Variants in PLEC observed in about 807,000 individuals in gnomAD.
PLEC encodes the protein plectin, also known as hemidesmosomal protein 1.
In PLEC, 216 loss-of-function variants were observed where a neutral mutation model predicts 392.8. The observed-to-expected ratio is 0.55, with a 90% CI of 0.49 to 0.62. The LOEUF (loss-of-function observed/expected upper bound fraction) is 0.62, where lower values mean the gene tolerates loss of function less well. Ranked by LOEUF, PLEC falls within the 20% of genes least tolerant of loss-of-function variation. The probability of loss-of-function intolerance (pLI) is 0.00; values close to 1 mark genes in which losing one functional copy is unlikely to be tolerated. For missense variants in PLEC, 6,863 were observed against 6,563.4 expected, an observed-to-expected ratio of 1.05 and a Z score of -1.58; for synonymous variants, 3,621 against 2,980.6, an observed-to-expected ratio of 1.21 and a Z score of -7.00.
intron 1 of PLEC, chr8:143,950,075 G>GC: frequency 7.3e-7 from 1 of 1,378,062 alleles, no homozygotes; most frequent in Non-Finnish European, 9.6e-7. Context: ...GCGACGCTCC[G>GC]CAAGCCGGCT....
At chr8:143,953,448 CCCGCCGCCGCCG>C (rs1174485406), upstream of PLEC, among the ~76,000 whole-genome samples, 8 of 150,978 alleles carry the variant, frequency 5.3e-5, no homozygotes, top group East Asian at 5.8e-4. Flanking sequence ...CTGTCCCCGC[CCCGCCGCCGCCG>C]CCGCCGCCGC....
At chr8:143,942,614 C>A, upstream of PLEC, 1 of 1,384,140 alleles carries the variant, frequency 7.2e-7, no homozygotes, top group Non-Finnish European at 9.5e-7. Context: ...AGGCTGCCGG[C>A]TTCGCTCTCC....
At position 143,927,872 on chromosome 8, in the gene PLEC, G is replaced by A; in HGVS notation, c.3381C>T (p.Ala1127=). 1 of 1,590,274 alleles carries A rather than the reference G, an allele frequency of 6.3e-7. No individual in the cohort carries two copies. Among genetic ancestry groups the A allele is most frequent in the East Asian group, 2.3e-5 (1 of 43,728 alleles). The change falls in exon 26 of 32, where the codon GCC becomes GCT. Residue 1127 remains alanine (A), a synonymous_variant. Coordinates refer to ENST00000345136, the MANE Select transcript of PLEC (RefSeq NM_201384.3). Reference sequence around the variant, plus strand: ...ACGATACCTTCAGAGAGGCCTTGGTGGCCTCGAGCTCCGGGAGGGTGGCCG... The same window carrying A: ...ACGATACCTTCAGAGAGGCCTTGGTAGCCTCGAGCTCCGGGAGGGTGGCCG... The part of the protein sequence containing the change: ...AVPATLPELE[A]TKASLKKLRA...
Position 143,917,283 on chromosome 8 carries a change from C to T in PLEC, c.12538G>A (p.Glu4180Lys). Residue 4180 changes from glutamate (E) to lysine (K), a missense_variant, in exon 32 of 32, where the codon GAG (glutamate) becomes AAG (lysine). Glu to Lys is a moderately conservative substitution (Grantham distance 56). Transcript: ENST00000345136. ...ELSEQECEWE[E>K]ITISSSDGVV... The stretch of plus-strand genomic sequence containing the variant: ...CCGTCCGAGGAGGAGATGGTGATCT[C>T]CTCCCACTCGCACTCCTGCTCGGAC... The T allele has an allele frequency of 3.1e-6, 5 of 1,609,888 alleles. No individual in the cohort carries two copies. In the South Asian group the frequency reaches 3.3e-5, roughly 11 times the overall value.
intron 25 of PLEC, among the ~76,000 whole-genome samples, chr8:143,928,861 C>G (rs950584367): frequency 4.6e-5 from 7 of 152,202 alleles, no homozygotes; most frequent in African/African-American, 9.7e-5. Flanking sequence ...TCCACTGTCT[C>G]TTCCCCACAC....
At position 143,917,880 on chromosome 8, in the gene PLEC, T is replaced by C; in HGVS notation, c.11941A>G (p.Lys3981Glu). The C allele has an allele frequency of 6.2e-7, 1 of 1,613,100 alleles. No individual in the cohort carries two copies. The highest frequency in any genetic ancestry group is 8.5e-7 in the Non-Finnish European group (1 of 1,179,960). ...TCCTCCACCGTCAGCTTCAGTCCCT[T>C]GATGGGGTCGATGACGTAACCGGTG... The part of the protein sequence containing the change: ...AATGYVIDPI[K>E]GLKLTVEEAV... The change falls in exon 32 of 32, where the codon AAG becomes GAG. Residue 3981 changes from lysine to glutamate, a missense_variant. Lys to Glu is a moderately conservative substitution (Grantham distance 56). Transcript: ENST00000345136.
chr8:143,971,477 G>A (rs978214625), intron 1 of PLEC, among the ~76,000 whole-genome samples: 1 of 152,090 alleles, frequency 6.6e-6, no homozygotes. Flanking sequence ...GGACAGGAAG[G>A]GCCGGGGCTC....
rs1554672675 is a variant in PLEC at position 143,917,638 on chromosome 8, C to T, written c.12183G>A (p.Leu4061=). 4 of 1,613,726 alleles carry T rather than the reference C, an allele frequency of 2.5e-6. No homozygotes were observed. The South Asian group carries it at 3.3e-5, about 13-fold the overall frequency. ...CGCGCTTGTAGGCCACCTCCACGGG[C>T]AGCCGGTGGCTCTCCTCAGGGTCGA... ...GIIDPEESHR[L]PVEVAYKRGL... Residue 4061 remains leucine (L), a synonymous_variant, in exon 32 of 32, where the codon CTG becomes CTA. Coordinates refer to ENST00000345136, the MANE Select transcript of PLEC (RefSeq NM_201384.3).
At chr8:143,959,848 T>C (rs1285239057) in intron 1 of PLEC, among the ~76,000 whole-genome samples, 1 of 151,686 alleles carries the variant, frequency 6.6e-6, no homozygotes, top group Non-Finnish European at 1.5e-5. Context: ...TACAAAATAT[T>C]AGCCGGGTGT....
intron 11 of PLEC, 42 bp downstream of exon 11, chr8:143,934,276 C>T (rs782548548): frequency 1.2e-5 from 19 of 1,609,554 alleles, no homozygotes; most frequent in African/African-American, 8.0e-5. Flanking sequence ...GGCAGTGACA[C>T]ACCCTCGGGT....
Position 143,919,522 on chromosome 8 carries a change from G to A in PLEC, c.10299C>T (p.Val3433=), listed in dbSNP as rs372630370. Residue 3433 remains valine, a synonymous_variant, in exon 32 of 32, where the codon GTC becomes GTT. Transcript: ENST00000345136. ...HEQLLSAEKA[V]TGYRDPYSGS... is the part of the protein sequence containing the mutation. ...CCGAGTAGGGGTCTCTGTAGCCGGT[G>A]ACGGCCTTCTCGGCAGACAGCAGCT... The A allele has an allele frequency of 6.2e-7, 1 of 1,612,142 alleles. No homozygotes were observed. Among genetic ancestry groups the A allele is most frequent in the Non-Finnish European group, 8.5e-7 (1 of 1,179,712 alleles).
chr8:143,968,981 C>T (rs535548764), intron 1 of PLEC, among the ~76,000 whole-genome samples: 105 of 152,288 alleles, frequency 6.9e-4, no homozygotes, highest in African/African-American at 2.4e-3. Flanking sequence ...AGAATTACCA[C>T]ACAGCTGAGC....
At chr8:143,958,594 C>T (rs1310280906), upstream of PLEC, 2 of 431,366 alleles carry the variant, frequency 4.6e-6, no homozygotes, top group Non-Finnish European at 9.5e-6. This position sits in a 1 kb window ranked among gnomAD's most constrained non-coding sequence, Gnocchi z 4.9. Context: ...TTGCCCCTCA[C>T]CTCCAAGCAC....
rs200668859 is a variant in PLEC, at chr8:143,916,914, C to T, written c.12907G>A (p.Val4303Met). 2.5e-4 allele frequency: 402 copies of T among 1,612,892 alleles called. 2 individuals carry two copies. Among genetic ancestry groups the T allele is most frequent in the South Asian group, 5.8e-4 (53 of 91,076 alleles). Reference protein sequence around the residue: ...SITEAMHRNLVDNITGQRLLE... With the variant: ...SITEAMHRNLMDNITGQRLLE... ...AGCCGCTGCCCCGTGATGTTATCCACCAGGTTCCGGTGCATGGCCTCGGTG... is the reference window on the plus strand; with the variant it reads ...AGCCGCTGCCCCGTGATGTTATCCATCAGGTTCCGGTGCATGGCCTCGGTG... The change falls in exon 32 of 32, where the codon GTG (valine) becomes ATG (methionine). Residue 4303 changes from valine to methionine, a missense_variant. Physicochemically the swap from Val to Met is conservative, Grantham distance 21. Transcript: ENST00000345136.
chr8:143,949,176 G>A (rs782049988), intron 1 of PLEC, among the ~76,000 whole-genome samples: 2 of 152,168 alleles, frequency 1.3e-5, no homozygotes, highest in Non-Finnish European at 2.9e-5. Flanking sequence ...CCTAAACTTG[G>A]GCCTCCCCTG....
upstream of PLEC, among the ~76,000 whole-genome samples, chr8:143,951,048 C>T (rs1337617504): frequency 6.6e-6 from 1 of 152,220 alleles, no homozygotes; most frequent in Non-Finnish European, 1.5e-5. Flanking sequence ...CAAGAGGCAG[C>T]GGCCACCCCC....
upstream of PLEC, among the ~76,000 whole-genome samples, chr8:143,951,598 G>C (rs1587366139): frequency 6.6e-6 from 1 of 152,078 alleles, no homozygotes; most frequent in South Asian, 2.1e-4. Flanking sequence ...GCACCGGCTA[G>C]GGGGCTCAGA....
chr8:143,924,578 T>C lies in PLEC; in HGVS notation c.5351A>G (p.Lys1784Arg). ...AEEESRSTSE[K>R]SKQRLEAEAG... ...CTCGGCCTCCAGCCTCTGCTTGGAC[T>C]TCTCGCTGGTGGAGCGCGACTCCTC... Residue 1784 changes from lysine to arginine, a missense_variant, in exon 31 of 32, where the codon AAG becomes AGG. By Grantham distance (26) the Lys-to-Arg change is conservative. Transcript: ENST00000345136. 2 of 1,552,258 alleles carry C rather than the reference T, an allele frequency of 1.3e-6. No homozygotes were observed. Among genetic ancestry groups the C allele is most frequent in the African/African-American group, 1.4e-5 (1 of 73,634 alleles).
chr8:143,916,095 C>G lies in PLEC; in HGVS notation c.*82G>C, dbSNP rs1268093275. ...TTAGGCACCACTTGGGAGGAAGACA[C>G]CTTTAAGCGTTGAAAACGGCCCCCG... On this transcript the variant is annotated 3_prime_UTR_variant, in exon 32 of 32. Transcript: ENST00000345136. The G allele has an allele frequency of 7.4e-6, 7 of 940,418 alleles. No individual in the cohort carries two copies. The highest frequency in any genetic ancestry group is 1.1e-5 in the Non-Finnish European group (7 of 648,870). 58.3% of individuals were successfully genotyped at this position (940,418 alleles called of 1,614,324 possible).
Sources: gnomAD v4.1 joint callset for allele counts (sites outside exome capture counted in the v4.1 genomes callset) on GRCh38, gnomAD v4.1.1 for gene constraint, Gnocchi (gnomAD v3.1) non-coding constraint, MANE v1.5 for transcripts, NCBI Gene and HGNC (gene_info 2026-07-23, HGNC 2026-07-21) for gene names.